The following TLR5 variants were observed in gnomAD, a reference collection of about 807,000 sequenced individuals.
TLR5 encodes toll like receptor 5.
For synonymous variants in TLR5, 373 were observed against 384.4 expected (o/e 0.97, Z 0.35); for missense variants, 944 against 999.8 (o/e 0.94, Z 0.75).
intron 4 of TLR5, 67 bp from the exon 5 acceptor site, chr1:223,132,706 G>A (rs1007652631): frequency 4.6e-5 from 7 of 152,324 alleles, no homozygotes; most frequent in African/African-American, 1.4e-4. Flanking sequence ...ATTTTTCTAT[G>A]CCATACAGCA....
At position 223,114,867 on chromosome 1, in the gene TLR5, C is replaced by T. The variant is rs75768247; in HGVS notation, c.-4-1832G>A. ...ACAGCAGAGTCTTTTAAACATCATTCTTTTAAACATCCCCCCAATATCCAA... is the reference window on the plus strand; with the variant it reads ...ACAGCAGAGTCTTTTAAACATCATTTTTTTAAACATCCCCCCAATATCCAA... On this transcript the variant is annotated intron_variant, in intron 5 of 5. Coordinates refer to ENST00000642603, the MANE Select transcript of TLR5 (RefSeq NM_003268.6). Among the ~76,000 whole-genome samples the T allele has an allele frequency of 7.2e-3, 1,094 of 152,256 alleles. 12 individuals are homozygous for T. The highest frequency in any genetic ancestry group is 0.025 in the African/African-American group (1,048 of 41,534).
At chr1:223,117,090 G>A (rs549151855) in intron 5 of TLR5, among the ~76,000 whole-genome samples, 238 of 152,258 alleles carry the variant, frequency 1.6e-3, no homozygotes, top group African/African-American at 5.2e-3. Context: ...TGCAGGTCCC[G>A]AGCCCTGCCC....
intron 2 of TLR5, among the ~76,000 whole-genome samples, chr1:223,137,885 T>A (rs1657673379): frequency 6.6e-6 from 1 of 151,118 alleles, no homozygotes. Context: ...CCCCACCCAA[T>A]GTTTCCATTG....
chr1:223,117,019 G>T (rs941406185), intron 5 of TLR5, among the ~76,000 whole-genome samples: 1 of 152,170 alleles, frequency 6.6e-6, no homozygotes, highest in African/African-American at 2.4e-5. Flanking sequence ...AGGGGGCGGC[G>T]CCCGTTGGGG....
At chr1:223,138,674 A>T (rs1197770848) in intron 2 of TLR5, among the ~76,000 whole-genome samples, 1 of 152,200 alleles carries the variant, frequency 6.6e-6, no homozygotes, top group African/African-American at 2.4e-5. Flanking sequence ...CCTCCAGGAA[A>T]CAAAAAAATT....
Position 223,112,842 on chromosome 1 carries a change from A to G in TLR5, c.190T>C (p.Ser64Pro), listed in dbSNP as rs565339073. 1.3e-5 allele frequency: 21 copies of G among 1,613,344 alleles called. No individual in the cohort carries two copies. Among genetic ancestry groups the G allele is most frequent in the Non-Finnish European group, 1.8e-5 (21 of 1,179,568 alleles). ...SFNYIRTVTASSFPFLEQLQL... is the reference protein window; with the variant it reads ...SFNYIRTVTAPSFPFLEQLQL... Reference sequence around the variant, plus strand: ...AGCTGTTCCAGAAAGGGGAAGGATGAAGCAGTGACTGTCCTGATATAGTTG... The same window carrying G: ...AGCTGTTCCAGAAAGGGGAAGGATGGAGCAGTGACTGTCCTGATATAGTTG... The change falls in exon 6 of 6, where the codon TCA (serine) becomes CCA (proline). Residue 64 changes from serine (S) to proline (P), a missense_variant. Ser to Pro is a moderately conservative substitution (Grantham distance 74). Transcript: ENST00000642603.
chr1:223,113,248 C>T (rs1656462337), intron 5 of TLR5, among the ~76,000 whole-genome samples: 1 of 152,186 alleles, frequency 6.6e-6, no homozygotes, highest in African/African-American at 2.4e-5. Flanking sequence ...CTCTGTTGCC[C>T]AGGCTGGAGT....
At chr1:223,115,035 C>A (rs939873656) in intron 5 of TLR5, among the ~76,000 whole-genome samples, 1 of 152,216 alleles carries the variant, frequency 6.6e-6, no homozygotes, top group African/African-American at 2.4e-5. Flanking sequence ...TTCCAGCCAG[C>A]AGCCAGCATG....
At chr1:223,138,498 T>C (rs1408333075) in intron 2 of TLR5, among the ~76,000 whole-genome samples, 1 of 152,154 alleles carries the variant, frequency 6.6e-6, no homozygotes, top group African/African-American at 2.4e-5. Flanking sequence ...AGTGACCACA[T>C]TTGCTTTCAC....
rs904317429 is a variant in TLR5 at position 223,131,332 on chromosome 1, G to A, written c.-5+1143C>T. Among the ~76,000 whole-genome samples the A allele has an allele frequency of 1.4e-4, 21 of 152,012 alleles. No homozygotes were observed. Among genetic ancestry groups the A allele is most frequent in the African/African-American group, 5.1e-4 (21 of 41,364 alleles). On this transcript the variant is annotated intron_variant, in intron 5 of 5. Coordinates refer to ENST00000642603, the MANE Select transcript of TLR5 (RefSeq NM_003268.6). The surrounding 1 kb of genome is among the most constrained non-coding windows in gnomAD (Gnocchi z 4.2). ...CTCCAGCCACCCTGCCTTCCTGGCTGTATCTACACTGGCATCCCATCACTG... is the reference window on the plus strand; with the variant it reads ...CTCCAGCCACCCTGCCTTCCTGGCTATATCTACACTGGCATCCCATCACTG...
chr1:223,114,071 G>A (rs1368718521), intron 5 of TLR5, among the ~76,000 whole-genome samples: 2 of 152,212 alleles, frequency 1.3e-5, no homozygotes, highest in Non-Finnish European at 2.9e-5. Flanking sequence ...GATGTGATCG[G>A]TTTAATAAAA....
Position 223,112,052 on chromosome 1 carries a change from A to G in TLR5, c.980T>C (p.Ile327Thr), listed in dbSNP as rs1332286428. 6.2e-7 allele frequency: 1 copy of G among 1,614,114 alleles called. No individual in the cohort carries two copies. Among genetic ancestry groups the G allele is most frequent in the Non-Finnish European group, 8.5e-7 (1 of 1,180,048 alleles). ...AAGTCCGTAAAATGCTTCATCTGCA[A>G]TCTTATTTATCTTGTTGTAGGCAAG... ...LNLAYNKINK[I>T]ADEAFYGLDN... Residue 327 changes from isoleucine to threonine, a missense_variant, in exon 6 of 6, where the codon ATT becomes ACT. Coordinates refer to ENST00000642603, the MANE Select transcript of TLR5 (RefSeq NM_003268.6).
chr1:223,116,929 C>T (rs1656686979), intron 5 of TLR5, among the ~76,000 whole-genome samples: 1 of 152,216 alleles, frequency 6.6e-6, no homozygotes, highest in African/African-American at 2.4e-5. Context: ...GGGCTAGGGG[C>T]AGAGCTGCCC....
At chr1:223,125,600 G>A (rs993490480) in intron 5 of TLR5, among the ~76,000 whole-genome samples, 5 of 151,920 alleles carry the variant, frequency 3.3e-5, no homozygotes, top group East Asian at 1.9e-4. Flanking sequence ...TGGGATTGGC[G>A]GTGGTTGGTG....
chr1:223,139,264 A>G (rs1232932781), intron 2 of TLR5, among the ~76,000 whole-genome samples: 1 of 152,192 alleles, frequency 6.6e-6, no homozygotes, highest in Non-Finnish European at 1.5e-5. Context: ...GGTTCAGCCT[A>G]CCATCCAATG....
At chr1:223,135,694 G>C (rs1657582198) in intron 3 of TLR5, among the ~76,000 whole-genome samples, 1 of 152,102 alleles carries the variant, frequency 6.6e-6, no homozygotes, top group Non-Finnish European at 1.5e-5. Context: ...ATAGACCAGG[G>C]CCAATCCTCC....
In TLR5 at chr1:223,131,486, G is replaced by C. The variant is rs543443919; in HGVS notation, c.-5+989C>G. On this transcript the variant is annotated intron_variant, in intron 5 of 5. Coordinates refer to ENST00000642603, the MANE Select transcript of TLR5 (RefSeq NM_003268.6). This position sits in a 1 kb window ranked among gnomAD's most constrained non-coding sequence, Gnocchi z 4.2. ...CTGCTCATCCCATTCCAACTCCCCC[G>C]TCAAAGGCCACCTCAGAAGCCACCT... 6.6e-6 allele frequency among the ~76,000 whole-genome samples: 1 copy of C among 152,280 alleles called. No homozygotes were observed. Among genetic ancestry groups the C allele is most frequent in the East Asian group, 1.9e-4 (1 of 5,178 alleles).
Position 223,119,159 on chromosome 1 carries a change from T to G in TLR5, c.-4-6124A>C, listed in dbSNP as rs1656818391. Among the ~76,000 whole-genome samples the G allele has an allele frequency of 2.0e-5, 3 of 152,006 alleles. No individual in the cohort carries two copies. The South Asian group carries it at 6.2e-4, about 32-fold the overall frequency. The stretch of plus-strand genomic sequence containing the variant: ...GAAAGAAAGTCCATTCAGATGGTTG[T>G]GGGGCCTTAGAATTTAATTTTTGGT... On this transcript the variant is annotated intron_variant, in intron 5 of 5. Transcript: ENST00000642603.
intron 5 of TLR5, among the ~76,000 whole-genome samples, chr1:223,117,810 T>G (rs1035800634): frequency 4.6e-5 from 7 of 152,166 alleles, no homozygotes; most frequent in African/African-American, 1.7e-4. Context: ...ACCCCTGTAA[T>G]CAAGATGTCA....
Sources: allele counts gnomAD v4.1 joint callset (sites outside exome capture counted in the v4.1 genomes callset), GRCh38; gene constraint gnomAD v4.1.1; non-coding constraint Gnocchi (gnomAD v3.1); transcripts MANE v1.5; gene names NCBI Gene and HGNC (gene_info 2026-07-23, HGNC 2026-07-21).